CDC42BPA: variants seen among roughly 807,000 people sequenced by gnomAD.
CDC42BPA encodes the protein CDC42 binding protein kinase alpha, also known as serine/threonine-protein kinase MRCK alpha.
CDC42BPA carries 80 observed loss-of-function variants against 223.5 expected under a neutral mutation model. That is an observed-to-expected ratio of 0.36 (90% CI 0.30 to 0.43). The LOEUF (loss-of-function observed/expected upper bound fraction) is 0.43. CDC42BPA is among the 20% of genes least tolerant of loss of function. The probability of loss-of-function intolerance (pLI) is 1.00; values close to 1 mark genes in which losing one functional copy is unlikely to be tolerated. For synonymous variants in CDC42BPA, 694 were observed against 718.6 expected, an observed-to-expected ratio of 0.97 and a Z score of 0.55; for missense variants, 1,743 against 2,099.9, an observed-to-expected ratio of 0.83 and a Z score of 3.32.
At chr1:227,199,284 C>T (rs562718880) in intron 4 of CDC42BPA, among the ~76,000 whole-genome samples, 5 of 152,052 alleles carry the variant, frequency 3.3e-5, no homozygotes, top group Non-Finnish European at 7.4e-5. Flanking sequence ...TCATGAAAAA[C>T]TCCTGAAGAC....
Position 227,007,231 on chromosome 1 carries a change from T to G in CDC42BPA, c.4858-2120A>C, listed in dbSNP as rs16846808. On this transcript the variant is annotated intron_variant, in intron 34 of 36. Coordinates refer to ENST00000366766, the MANE Select transcript of CDC42BPA (RefSeq NM_001394014.1). Reference sequence around the variant, plus strand: ...AACAGATGTTCTCTTCATAGAATGCTATAGGCTACCATTACTATAGGGTAA... The same window carrying G: ...AACAGATGTTCTCTTCATAGAATGCGATAGGCTACCATTACTATAGGGTAA... Among the ~76,000 whole-genome samples the G allele has an allele frequency of 2.1e-3, 325 of 152,360 alleles. 9 individuals are homozygous for G. The East Asian group carries it at 0.045, about 21-fold the overall frequency.
chr1:227,133,973 G>GAATGAATAAATA (rs370174201), intron 10 of CDC42BPA, among the ~76,000 whole-genome samples: 2 of 146,288 alleles, frequency 1.4e-5, no homozygotes, highest in Non-Finnish European at 3.0e-5. Flanking sequence ...AAAAATAAAT[G>GAATGAATAAATA]AATAAATAAA....
intron 1 of CDC42BPA, among the ~76,000 whole-genome samples, chr1:227,268,633 G>A (rs9700661): frequency 0.83 from 120,710 of 145,532 alleles, 50,190 homozygotes; most frequent in South Asian, 0.88. Context: ...TATAGTATGT[G>A]TATATATATA....
intron 21 of CDC42BPA, among the ~76,000 whole-genome samples, chr1:227,055,030 A>G (rs1223151657): frequency 6.6e-6 from 1 of 152,018 alleles, no homozygotes; most frequent in East Asian, 1.9e-4. Flanking sequence ...TTATAGTGAT[A>G]GTCATATCTT....
intron 1 of CDC42BPA, among the ~76,000 whole-genome samples, chr1:227,304,917 C>T (rs910267048): frequency 1.3e-5 from 2 of 152,134 alleles, no homozygotes; most frequent in African/African-American, 4.8e-5. Context: ...GTGAATTTTA[C>T]TATAGGTAAA....
At chr1:227,303,510 T>C (rs920396083) in intron 1 of CDC42BPA, among the ~76,000 whole-genome samples, 1 of 152,202 alleles carries the variant, frequency 6.6e-6, no homozygotes, top group Non-Finnish European at 1.5e-5. Context: ...AGTAACCCAA[T>C]GGCACTCAAC....
At chr1:227,229,856 G>A (rs1224816930) in intron 2 of CDC42BPA, among the ~76,000 whole-genome samples, 1 of 152,012 alleles carries the variant, frequency 6.6e-6, no homozygotes, top group African/African-American at 2.4e-5. Flanking sequence ...TCCTTTTTCT[G>A]CTAGGTATTA....
At chr1:227,176,985 A>G (rs911980155) in intron 5 of CDC42BPA, among the ~76,000 whole-genome samples, 3 of 150,436 alleles carry the variant, frequency 2.0e-5, no homozygotes, top group African/African-American at 7.3e-5. Context: ...TTTTTTTTTA[A>G]CTTTAAAGGT....
At chr1:227,018,032 A>AATTATTATTATTATTATT (rs56236828) in intron 32 of CDC42BPA, among the ~76,000 whole-genome samples, 356 of 145,096 alleles carry the variant, frequency 2.5e-3, no homozygotes, top group African/African-American at 8.2e-3. Context: ...TTAAAAATAG[A>AATTATTATTATTATTATT]ATTATTATTA....
intron 1 of CDC42BPA, among the ~76,000 whole-genome samples, chr1:227,277,851 A>C (rs1687369477): frequency 6.6e-6 from 1 of 152,194 alleles, no homozygotes; most frequent in East Asian, 1.9e-4. Context: ...CATGGTTCAC[A>C]TCATTCTCCT....
chr1:227,083,127 T>A (rs181039529), intron 16 of CDC42BPA, among the ~76,000 whole-genome samples: 65 of 150,002 alleles, frequency 4.3e-4, no homozygotes, highest in African/African-American at 1.6e-3. Flanking sequence ...CCATAAACAC[T>A]CTTCAAATAT....
intron 2 of CDC42BPA, among the ~76,000 whole-genome samples, chr1:227,232,650 G>A (rs750994882): frequency 3.3e-4 from 50 of 152,290 alleles, no homozygotes; most frequent in Non-Finnish European, 6.6e-4. Flanking sequence ...ACCCTCAGCC[G>A]CAGGTCTGTT....
At chr1:227,197,943 C>T (rs1341689492) in intron 4 of CDC42BPA, among the ~76,000 whole-genome samples, 2 of 152,016 alleles carry the variant, frequency 1.3e-5, no homozygotes, top group Non-Finnish European at 2.9e-5. Context: ...CCAGTTAAAA[C>T]ATCATTCTAT....
chr1:227,139,522 C>T (rs1404544340), intron 10 of CDC42BPA, 54 bp downstream of exon 10: 2 of 1,190,382 alleles, frequency 1.7e-6, no homozygotes, highest in East Asian at 2.6e-5. Context: ...ATAAACAGCT[C>T]ATAACACTGT....
Position 227,143,002 on chromosome 1 carries a change from T to A in CDC42BPA, c.1166A>T (p.His389Leu). The change falls in exon 9 of 37, where the codon CAT (histidine) becomes CTT (leucine). Residue 389 changes from histidine (H) to leucine (L), a missense_variant. Transcript: ENST00000366766. The stretch of plus-strand genomic sequence containing the variant: ...CAGATGGTGGCCAGAAAATGCAGTA[T>A]GTGTTGGTGGGGGCATCGTTTCCTA... The part of the protein sequence containing the change: ...KNSETMPPPT[H>L]TAFSGHHLPF... 1 of 1,535,454 alleles carries A rather than the reference T, an allele frequency of 6.5e-7. No individual in the cohort carries two copies. Among genetic ancestry groups the A allele is most frequent in the Non-Finnish European group, 8.7e-7 (1 of 1,150,526 alleles).
intron 10 of CDC42BPA, among the ~76,000 whole-genome samples, chr1:227,138,264 TA>T (rs1571909688): frequency 6.6e-6 from 1 of 152,010 alleles, no homozygotes; most frequent in Non-Finnish European, 1.5e-5. Flanking sequence ...AATATGTAAG[TA>T]AAATATGTTA....
intron 10 of CDC42BPA, among the ~76,000 whole-genome samples, chr1:227,130,427 T>C (rs1214381665): frequency 6.6e-6 from 1 of 152,236 alleles, no homozygotes; most frequent in African/African-American, 2.4e-5. Context: ...CTTATACATT[T>C]CTTTCTCTTT....
At chr1:227,089,046 T>A (rs1270306062) in intron 16 of CDC42BPA, among the ~76,000 whole-genome samples, 1 of 152,172 alleles carries the variant, frequency 6.6e-6, no homozygotes, top group Non-Finnish European at 1.5e-5. Flanking sequence ...TATCTTTTAA[T>A]AGAAGGTGGG....
chr1:227,266,331 T>C (rs1684993498), intron 1 of CDC42BPA, among the ~76,000 whole-genome samples: 1 of 152,174 alleles, frequency 6.6e-6, no homozygotes, highest in African/African-American at 2.4e-5. Context: ...CTACTCTATA[T>C]ATTACTATGA....
Sources: allele counts gnomAD v4.1 joint callset (sites outside exome capture counted in the v4.1 genomes callset), GRCh38; gene constraint gnomAD v4.1.1; transcripts MANE v1.5; gene names NCBI Gene and HGNC (gene_info 2026-07-23, HGNC 2026-07-21).